Variants in ADGRB1 observed in about 807,000 individuals in gnomAD.
The protein encoded by ADGRB1 is brain-specific angiogenesis inhibitor 1.
Under a neutral mutation model 175.7 loss-of-function variants are expected in ADGRB1, and 36 were observed. The observed-to-expected ratio is 0.20, with a 90% CI of 0.16 to 0.27. The LOEUF (loss-of-function observed/expected upper bound fraction) is 0.27. ADGRB1 is among the 10% of genes least tolerant of loss of function. The probability of loss-of-function intolerance (pLI) is 1.00; values close to 1 mark genes in which losing one functional copy is unlikely to be tolerated. For synonymous variants in ADGRB1, 1,054 were observed against 979.4 expected (o/e 1.08, Z -1.42); for missense variants, 1,731 against 2,255.3 (o/e 0.77, Z 4.71).
rs1330432691 is a variant in ADGRB1, at chr8:142,464,039, C to T, written c.-160C>T. On this transcript the variant is annotated 5_prime_UTR_variant, in exon 2 of 31. Transcript: ENST00000517894. ...CTGGACTTTAGAAGCCGTTGCTGCC[C>T]TCTCTGTCACCTGAAGCGGGGCCCT... The T allele has an allele frequency of 7.2e-5, 43 of 600,400 alleles. No homozygotes were observed. Among genetic ancestry groups the T allele is most frequent in the Non-Finnish European group, 1.0e-4 (42 of 419,404 alleles). 37.2% of individuals were successfully genotyped at this position (600,400 alleles called of 1,614,324 possible). A position where few individuals can be genotyped will look rare whatever the true frequency, so the allele number is the denominator to read the frequency against.
intron 2 of ADGRB1, among the ~76,000 whole-genome samples, chr8:142,468,288 G>GT (rs1180617618): frequency 6.6e-6 from 1 of 152,148 alleles, no homozygotes; most frequent in Non-Finnish European, 1.5e-5. Flanking sequence ...GTGAATGTAT[G>GT]TATCCAGGCT....
At position 142,455,936 on chromosome 8, in the gene ADGRB1, G is replaced by A. The variant is rs1006860200; in HGVS notation, c.-220+5832G>A. Among the ~76,000 whole-genome samples, 5 of 152,118 alleles carry A rather than the reference G, an allele frequency of 3.3e-5. No homozygotes were observed. The highest frequency in any genetic ancestry group is 9.7e-5 in the African/African-American group (4 of 41,410). On this transcript the variant is annotated intron_variant, in intron 1 of 30. Transcript: ENST00000517894. This position sits in a 1 kb window ranked among gnomAD's most constrained non-coding sequence, Gnocchi z 4.9. ...GTGGGTGGCCCTACCTGCCTGTCCC[G>A]GAGAGTGCCAGAGCGTCCAGGGTAG...
Position 142,455,411 on chromosome 8 carries a change from G to C in ADGRB1, c.-220+5307G>C, listed in dbSNP as rs557141942. 6.6e-6 allele frequency among the ~76,000 whole-genome samples: 1 copy of C among 152,040 alleles called. No homozygotes were observed. Among genetic ancestry groups the C allele is most frequent in the South Asian group, 2.1e-4 (1 of 4,828 alleles). On this transcript the variant is annotated intron_variant, in intron 1 of 30. Transcript: ENST00000517894. The surrounding 1 kb of genome is among the most constrained non-coding windows in gnomAD (Gnocchi z 4.9). ...TCTCGGGCATCCCTCTCTGGGGCTT[G>C]GTCAGGGGAAGGGCACGACAGAAGT...
intron 24 of ADGRB1, among the ~76,000 whole-genome samples, chr8:142,530,224 G>A (rs1292410309): frequency 6.6e-6 from 1 of 152,022 alleles, no homozygotes; most frequent in Non-Finnish European, 1.5e-5. Context: ...AGGTGAGTGT[G>A]TGAATGCGTG....
Position 142,474,247 on chromosome 8 carries a change from T to A in ADGRB1, c.785-1227T>A, listed in dbSNP as rs1480525534. ...CGGGGTGGCCTGTGCTTGGCCTGAT[T>A]GCTGCCCCTGGGGCCTCCCCTGCTG... On this transcript the variant is annotated intron_variant, in intron 2 of 30. Coordinates refer to ENST00000517894, the MANE Select transcript of ADGRB1 (RefSeq NM_001702.3). This position sits in a 1 kb window ranked among gnomAD's most constrained non-coding sequence, Gnocchi z 5.8. 8.6e-5 allele frequency among the ~76,000 whole-genome samples: 13 copies of A among 151,952 alleles called. No homozygotes were observed. The highest frequency in any genetic ancestry group is 1.2e-4 in the Non-Finnish European group (8 of 67,938).
chr8:142,533,989 C>G (rs947714124), intron 25 of ADGRB1, among the ~76,000 whole-genome samples: 4 of 152,244 alleles, frequency 2.6e-5, no homozygotes, highest in Non-Finnish European at 5.9e-5. Flanking sequence ...GCTTCCAGAT[C>G]AGCGCCAGGA....
intron 17 of ADGRB1, among the ~76,000 whole-genome samples, chr8:142,491,472 G>A (rs1040338235): frequency 1.3e-5 from 2 of 152,228 alleles, no homozygotes; most frequent in South Asian, 2.1e-4. Flanking sequence ...TGGGGGCAGC[G>A]AAGAGAAGCT....
chr8:142,526,450 G>A (rs1844196619), intron 23 of ADGRB1, 92 bp from the exon 24 acceptor site: 1 of 1,197,914 alleles, frequency 8.3e-7, no homozygotes, highest in Non-Finnish European at 1.2e-6. Context: ...AGGGGGTCGT[G>A]GTTGGCGTAG....
chr8:142,494,769 C>T (rs1013322234), intron 17 of ADGRB1, among the ~76,000 whole-genome samples: 1 of 151,808 alleles, frequency 6.6e-6, no homozygotes, highest in African/African-American at 2.4e-5. Flanking sequence ...GAACGCTGGC[C>T]TGGCAGCATG....
At position 142,504,321 on chromosome 8, in the gene ADGRB1, T is replaced by A. The variant is rs1295591280; in HGVS notation, c.2676-6611T>A. 6.6e-6 allele frequency among the ~76,000 whole-genome samples: 1 copy of A among 152,058 alleles called. No homozygotes were observed. Among genetic ancestry groups the A allele is most frequent in the Non-Finnish European group, 1.5e-5 (1 of 67,972 alleles). On this transcript the variant is annotated intron_variant, in intron 17 of 30. Transcript: ENST00000517894. This position sits in a 1 kb window ranked among gnomAD's most constrained non-coding sequence, Gnocchi z 5.6. ...CTAATCACACAGGATGCGGGGCCTG[T>A]GGCCAGGGGACCAGCCAGGACCAGG...
intron 2 of ADGRB1, 115 bp from the exon 3 acceptor site, chr8:142,475,359 C>G: frequency 9.1e-7 from 1 of 1,097,612 alleles, no homozygotes; most frequent in Non-Finnish European, 1.2e-6. Context: ...TTCCCCGGCA[C>G]TGCGGCCCCT....
rs372663611 is a variant in ADGRB1, at chr8:142,461,299, G to GGTGCCTCAGTGACAGA, written c.-219-2674_-219-2659dup. The stretch of plus-strand genomic sequence containing the variant: ...CATCTGTCAAATGGATCTGTAACAG[G>GGTGCCTCAGTGACAGA]GTGCCTCAGTGACAGAGTGCCTGGC... On this transcript the variant is annotated intron_variant, in intron 1 of 30. Transcript: ENST00000517894. Among the ~76,000 whole-genome samples, 320 of 152,294 alleles carry GGTGCCTCAGTGACAGA rather than the reference G, an allele frequency of 2.1e-3. 1 individual carries two copies. The highest frequency in any genetic ancestry group is 6.8e-3 in the African/African-American group (281 of 41,546).
At chr8:142,531,351 A>T (rs188955931) in intron 24 of ADGRB1, among the ~76,000 whole-genome samples, 1 of 152,362 alleles carries the variant, frequency 6.6e-6, no homozygotes, top group African/African-American at 2.4e-5. Flanking sequence ...GGGACACAGC[A>T]GTGAGTGACA....
intron 1 of ADGRB1, among the ~76,000 whole-genome samples, chr8:142,458,227 C>T (rs114429204): frequency 8.9e-4 from 136 of 152,276 alleles, no homozygotes; most frequent in African/African-American, 3.1e-3. Context: ...AGCCCCAGTG[C>T]CCCTGAGAGA....
chr8:142,492,737 C>T lies in ADGRB1; in HGVS notation c.2675+1922C>T, dbSNP rs1160183076. Among the ~76,000 whole-genome samples the T allele has an allele frequency of 6.6e-6, 1 of 152,128 alleles. No individual in the cohort carries two copies. Among genetic ancestry groups the T allele is most frequent in the Admixed American group, 6.5e-5 (1 of 15,286 alleles). ...CCTGGGGAGCCAGCTCTCTAGCTCT[C>T]GTAAGGGTGGAAAAAGAAAATGCAA... On this transcript the variant is annotated intron_variant, in intron 17 of 30. Coordinates refer to ENST00000517894, the MANE Select transcript of ADGRB1 (RefSeq NM_001702.3). This position sits in a 1 kb window ranked among gnomAD's most constrained non-coding sequence, Gnocchi z 4.4.
intron 2 of ADGRB1, among the ~76,000 whole-genome samples, chr8:142,473,503 C>T (rs1278699887): frequency 6.6e-6 from 1 of 152,200 alleles, no homozygotes; most frequent in African/African-American, 2.4e-5. Context: ...GGGCATGTGA[C>T]AGGGCAGCCA....
intron 16 of ADGRB1, among the ~76,000 whole-genome samples, chr8:142,490,527 C>T (rs1374645881): frequency 6.6e-6 from 1 of 152,248 alleles, no homozygotes; most frequent in Admixed American, 6.5e-5. Context: ...GACCTGGGCT[C>T]TGGGAGGGGC....
intron 21 of ADGRB1, 84 bp downstream of exon 21, chr8:142,522,199 C>A: frequency 6.5e-7 from 1 of 1,537,876 alleles, no homozygotes; most frequent in Non-Finnish European, 8.7e-7. Flanking sequence ...CCTCCTCTCC[C>A]CATCCCCTGT....
intron 1 of ADGRB1, among the ~76,000 whole-genome samples, chr8:142,453,689 G>C (rs1163946730): frequency 6.6e-6 from 1 of 152,198 alleles, no homozygotes; most frequent in African/African-American, 2.4e-5. Context: ...GGGGCAAGGG[G>C]GAGGGCGTGG....
Sources: allele counts gnomAD v4.1 joint callset (sites outside exome capture counted in the v4.1 genomes callset), GRCh38; gene constraint gnomAD v4.1.1; non-coding constraint Gnocchi (gnomAD v3.1); transcripts MANE v1.5; gene names NCBI Gene and HGNC (gene_info 2026-07-23, HGNC 2026-07-21).